The following PHTF2 variants were observed in gnomAD, a reference collection of about 807,000 sequenced individuals.
PHTF2 encodes the protein protein PHTF2.
A neutral mutation model predicts 101.2 loss-of-function variants in PHTF2; 60 were observed. That is an observed-to-expected ratio of 0.59 (90% CI 0.48 to 0.73). PHTF2 has a LOEUF of 0.73. Ranked by LOEUF, PHTF2 falls within the 30% of genes least tolerant of loss-of-function variation. The pLI, the probability that PHTF2 is intolerant of heterozygous loss-of-function variation, is 0.00. For synonymous variants in PHTF2, 311 were observed against 307.3 expected (o/e 1.01, Z -0.13); for missense variants, 747 against 908.7 (o/e 0.82, Z 2.29).
At chr7:77,891,101 G>A (rs1453551245) in intron 3 of PHTF2, among the ~76,000 whole-genome samples, 1 of 150,622 alleles carries the variant, frequency 6.6e-6, no homozygotes, top group Admixed American at 6.6e-5. Flanking sequence ...AAGAGACAGG[G>A]TTTTGCCATG....
intron 1 of PHTF2, among the ~76,000 whole-genome samples, chr7:77,800,408 C>G (rs565335038): frequency 2.0e-5 from 3 of 152,300 alleles, no homozygotes; most frequent in East Asian, 3.9e-4. Context: ...CTGAATGCAT[C>G]TGATAGTTTT....
chr7:77,893,735 TG>T (rs1409017953), intron 4 of PHTF2, 71 bp downstream of exon 3: 1 of 687,644 alleles, frequency 1.5e-6, no homozygotes, highest in Non-Finnish European at 2.5e-6. Context: ...TTTTCTGTAG[TG>T]TTTTTTAATA....
At chr7:77,890,022 G>C (rs867025804) in intron 3 of PHTF2, among the ~76,000 whole-genome samples, 12 of 146,116 alleles carry the variant, frequency 8.2e-5, no homozygotes, top group Non-Finnish European at 1.6e-4. Flanking sequence ...ATTAAGACGC[G>C]CCCCCCCCCA....
intron 1 of PHTF2, among the ~76,000 whole-genome samples, chr7:77,799,526 A>G (rs549492596): frequency 6.6e-6 from 1 of 152,182 alleles, no homozygotes. Context: ...TCTGATCCCA[A>G]CACGGCGGAG....
chr7:77,823,841 A>G (rs916456545), intron 1 of PHTF2, among the ~76,000 whole-genome samples: 2 of 152,220 alleles, frequency 1.3e-5, no homozygotes, highest in African/African-American at 2.4e-5. Flanking sequence ...TAATAAATCT[A>G]TGGTCAAATT....
chr7:77,875,979 A>G (rs917285917), intron 3 of PHTF2, among the ~76,000 whole-genome samples: 1 of 152,196 alleles, frequency 6.6e-6, no homozygotes, highest in Non-Finnish European at 1.5e-5. Flanking sequence ...TCCTGATTTT[A>G]TAACTGAGGC....
intron 1 of PHTF2, among the ~76,000 whole-genome samples, chr7:77,816,436 C>G (rs1793861356): frequency 2.0e-5 from 3 of 152,098 alleles, no homozygotes; most frequent in Admixed American, 2.0e-4. Context: ...ATACATGTTT[C>G]ATTTTGCTCA....
intron 3 of PHTF2, among the ~76,000 whole-genome samples, chr7:77,880,148 G>A (rs1799286413): frequency 6.6e-6 from 1 of 152,052 alleles, no homozygotes; most frequent in South Asian, 2.1e-4. Flanking sequence ...CCAAAAGTAT[G>A]TTCTCACATT....
intron 1 of PHTF2, among the ~76,000 whole-genome samples, chr7:77,820,190 G>T (rs1334774231): frequency 6.6e-6 from 1 of 152,088 alleles, no homozygotes. Flanking sequence ...CACCCGGCTT[G>T]GGAGACATTT....
intron 3 of PHTF2, among the ~76,000 whole-genome samples, chr7:77,889,607 T>G (rs1276285988): frequency 6.7e-6 from 1 of 150,114 alleles, no homozygotes; most frequent in African/African-American, 2.5e-5. Context: ...TTTTTTTTTT[T>G]TTGAGACGGA....
At chr7:77,880,232 C>T (rs1799294378) in intron 3 of PHTF2, among the ~76,000 whole-genome samples, 2 of 152,074 alleles carry the variant, frequency 1.3e-5, no homozygotes, top group South Asian at 2.1e-4. Flanking sequence ...ATTTATTAAG[C>T]CATTCCCCTG....
At chr7:77,920,495 A>G (rs749411134) in intron 10 of PHTF2, 30 bp downstream of exon 9, 5 of 1,552,188 alleles carry the variant, frequency 3.2e-6, no homozygotes, top group Non-Finnish European at 2.7e-6. Flanking sequence ...TAGTTTGCCT[A>G]TGTGATTTTA....
At chr7:77,956,521 GT>G (rs1244263103) in exon 20 of PHTF2, 1 of 152,532 alleles carries the variant, frequency 6.6e-6, no homozygotes, top group African/African-American at 2.4e-5. Context: ...TGCATTCTGA[GT>G]TTTTTCAAGG....
chr7:77,885,563 G>T (rs1799765654), intron 3 of PHTF2, among the ~76,000 whole-genome samples: 1 of 152,060 alleles, frequency 6.6e-6, no homozygotes. Context: ...TCCTGCCTCA[G>T]CCTCCTGAGT....
intron 1 of PHTF2, 26 bp from the exon 2 acceptor site, chr7:77,840,195 T>C (rs1562862263): frequency 1.0e-5 from 12 of 1,200,486 alleles, no homozygotes; most frequent in Non-Finnish European, 8.7e-6. Context: ...AATAAAGTCA[T>C]TTGTATGTTT....
At chr7:77,842,233 C>T (rs769969471) in intron 2 of PHTF2, among the ~76,000 whole-genome samples, 1 of 152,150 alleles carries the variant, frequency 6.6e-6, no homozygotes, top group Non-Finnish European at 1.5e-5. Context: ...GACAGGGTCT[C>T]ACTCTGTTAA....
chr7:77,873,735 C>T (rs766621440), intron 3 of PHTF2, among the ~76,000 whole-genome samples: 6 of 152,174 alleles, frequency 3.9e-5, no homozygotes, highest in African/African-American at 7.2e-5. Flanking sequence ...TTTACAAACT[C>T]AGTGTCCTGC....
chr7:77,956,591 G>A (rs1474636572), exon 20 of PHTF2: 1 of 152,522 alleles, frequency 6.6e-6, no homozygotes, highest in African/African-American at 2.4e-5. Context: ...CTTAGGCTTT[G>A]TCTGATGTTT....
exon 3 of PHTF2, chr7:77,854,755 C>A: frequency 1.4e-6 from 1 of 728,386 alleles, no homozygotes; most frequent in East Asian, 2.5e-5. Context: ...GTGGCCACCA[C>A]CGCCCCAGGC....
Sources: gnomAD v4.1 joint callset for allele counts (sites outside exome capture counted in the v4.1 genomes callset) on GRCh38, gnomAD v4.1.1 for gene constraint, MANE v1.5 for transcripts, NCBI Gene and HGNC (gene_info 2026-07-23, HGNC 2026-07-21) for gene names.